The following PLCG2 variants were observed in gnomAD, a reference collection of about 807,000 sequenced individuals.
PLCG2 encodes 1-phosphatidylinositol 4,5-bisphosphate phosphodiesterase gamma-2.
In PLCG2, 69 loss-of-function variants were observed where a neutral mutation model predicts 175.6. The observed-to-expected ratio is 0.39, with a 90% CI of 0.32 to 0.48. The LOEUF (loss-of-function observed/expected upper bound fraction) is 0.48. Ranked by LOEUF, PLCG2 falls within the 20% of genes least tolerant of loss-of-function variation. The probability of loss-of-function intolerance (pLI) is 0.91; values close to 1 mark genes in which losing one functional copy is unlikely to be tolerated. For missense variants in PLCG2, 1,798 were observed against 1,650.9 expected (o/e 1.09, Z -1.54); for synonymous variants, 827 against 624.0 (o/e 1.33, Z -4.85).
intron 5 of PLCG2, among the ~76,000 whole-genome samples, chr16:81,867,006 G>T (rs1012848925): frequency 5.9e-5 from 9 of 152,242 alleles, no homozygotes; most frequent in Admixed American, 5.2e-4. Flanking sequence ...CTGCCCTCAA[G>T]GTCTGTCTGT....
chr16:81,795,562 C>T (rs1177049678), intron 2 of PLCG2, among the ~76,000 whole-genome samples: 1 of 152,202 alleles, frequency 6.6e-6, no homozygotes, highest in Non-Finnish European at 1.5e-5. Flanking sequence ...CTATCATCTC[C>T]AAAGGTGTTG....
intron 1 of PLCG2, among the ~76,000 whole-genome samples, chr16:81,742,159 G>T (rs79129484): frequency 2.4e-5 from 3 of 127,248 alleles, no homozygotes; most frequent in Non-Finnish European, 3.5e-5. Flanking sequence ...GGGGGCGGGG[G>T]GGGGGGCGGT....
intron 5 of PLCG2, among the ~76,000 whole-genome samples, chr16:81,860,162 TATTATTATTA>T (rs1322069615): frequency 6.0e-5 from 6 of 99,792 alleles, no homozygotes; most frequent in Non-Finnish European, 1.2e-4. Context: ...TTATTATTAT[TATTATTATTA>T]TTTTTTTTTT....
intron 2 of PLCG2, among the ~76,000 whole-genome samples, chr16:81,844,707 A>C (rs866568189): frequency 1.3e-5 from 2 of 152,246 alleles, no homozygotes; most frequent in African/African-American, 4.8e-5. Flanking sequence ...TTTTGCATAA[A>C]AAAAGAGTTA....
At chr16:81,782,668 C>T (rs1352622273) in intron 1 of PLCG2, among the ~76,000 whole-genome samples, 1 of 152,202 alleles carries the variant, frequency 6.6e-6, no homozygotes, top group Non-Finnish European at 1.5e-5. Context: ...GATACAAGAA[C>T]CCCAAACCAG....
At chr16:81,926,801 C>T (rs1239026147) in intron 22 of PLCG2, among the ~76,000 whole-genome samples, 11 of 152,210 alleles carry the variant, frequency 7.2e-5, no homozygotes, top group African/African-American at 2.4e-4. Flanking sequence ...TCTCTGACTT[C>T]CACGTAAAGC....
At chr16:81,892,369 G>A (rs1039050383) in intron 11 of PLCG2, among the ~76,000 whole-genome samples, 2 of 152,216 alleles carry the variant, frequency 1.3e-5, no homozygotes, top group Non-Finnish European at 1.5e-5. Flanking sequence ...ATGTTGCGCT[G>A]ATGTTCCAGT....
At chr16:81,835,854 C>A (rs1439414821) in intron 2 of PLCG2, among the ~76,000 whole-genome samples, 1 of 152,068 alleles carries the variant, frequency 6.6e-6, no homozygotes, top group Non-Finnish European at 1.5e-5. Flanking sequence ...CCCTGGGTGT[C>A]CCTTGGCTGG....
chr16:81,845,943 A>T (rs1384698613), intron 2 of PLCG2, among the ~76,000 whole-genome samples: 1 of 152,204 alleles, frequency 6.6e-6, no homozygotes, highest in Non-Finnish European at 1.5e-5. Flanking sequence ...TGGCCAAGGT[A>T]CTTCACTTCT....
chr16:81,787,393 A>ATTTTTTTTTTTTTTTTTTTT lies in PLCG2; in HGVS notation c.193+1229_193+1230insTTTTTTTTTTTTTTTTTTTT, dbSNP rs67160306. ...TGCACCGCCATGCCTGGATAATTTAATTTTTTTTTTTTTTTTTTGTAGAGA... is the reference window on the plus strand; with the variant it reads ...TGCACCGCCATGCCTGGATAATTTAATTTTTTTTTTTTTTTTTTTTTTTTTTTTTTTTTTTTTTGTAGAGA... On this transcript the variant is annotated intron_variant, in intron 2 of 32. Coordinates refer to ENST00000564138, the MANE Select transcript of PLCG2 (RefSeq NM_002661.5). Among the ~76,000 whole-genome samples the ATTTTTTTTTTTTTTTTTTTT allele has an allele frequency of 1.6e-4, 15 of 94,552 alleles. 1 individual carries two copies. Among genetic ancestry groups the ATTTTTTTTTTTTTTTTTTTT allele is most frequent in the Non-Finnish European group, 2.9e-4 (15 of 51,128 alleles). The allele number at this position is 94,552 out of a possible 152,430, so 62.0% of individuals were successfully genotyped here.
rs188156294 is a variant in PLCG2 at position 81,961,146 on chromosome 16, G to C, written c.*3148G>C. ...TGGGAGGAACAGCCTGTAGATTTCT[G>C]AGTCTCTTAGCATGTAACTACAAAG... is the stretch of plus-strand genomic sequence containing the variant. On this transcript the variant is annotated 3_prime_UTR_variant, in exon 33 of 33. Transcript: ENST00000564138. 4.3e-6 allele frequency: 1 copy of C among 230,634 alleles called. No homozygotes were observed. The highest frequency in any genetic ancestry group is 5.7e-5 in the Admixed American group (1 of 17,696). The allele number at this position is 230,634 out of a possible 1,614,324, so 14.3% of individuals were successfully genotyped here. A position where few individuals can be genotyped will look rare whatever the true frequency, so the allele number is the denominator to read the frequency against.
At chr16:81,795,146 T>C (rs373154332) in intron 2 of PLCG2, among the ~76,000 whole-genome samples, 3 of 152,188 alleles carry the variant, frequency 2.0e-5, no homozygotes, top group African/African-American at 4.8e-5. Flanking sequence ...ACCCTGAAGA[T>C]CTCTAGAGGA....
chr16:81,757,213 C>T (rs12933619), intron 2 of PLCG2, among the ~76,000 whole-genome samples: 1 of 151,648 alleles, frequency 6.6e-6, no homozygotes, highest in Non-Finnish European at 1.5e-5. Flanking sequence ...TCAATCATCT[C>T]TTTATCCAAT....
intron 2 of PLCG2, among the ~76,000 whole-genome samples, chr16:81,821,220 T>G (rs1207998352): frequency 1.3e-5 from 2 of 152,208 alleles, no homozygotes; most frequent in African/African-American, 4.8e-5. Flanking sequence ...ATCAGATTGT[T>G]GTGGGGATTC....
At chr16:81,936,411 C>T in intron 27 of PLCG2, 33 bp downstream of exon 27, 4 of 1,583,512 alleles carry the variant, frequency 2.5e-6, no homozygotes, top group Non-Finnish European at 2.6e-6. Flanking sequence ...CCCGTCCCTG[C>T]AAGGTGGCGG....
chr16:81,835,073 C>A (rs1905444403), intron 2 of PLCG2, among the ~76,000 whole-genome samples: 1 of 151,914 alleles, frequency 6.6e-6, no homozygotes, highest in Non-Finnish European at 1.5e-5. Context: ...GAGGAAGTGG[C>A]CTTCCAGGTG....
At chr16:81,934,047 G>GC (rs1343164010) in intron 25 of PLCG2, among the ~76,000 whole-genome samples, 4 of 152,170 alleles carry the variant, frequency 2.6e-5, no homozygotes, top group African/African-American at 9.7e-5. Context: ...GGTCCACAGA[G>GC]CCCCCGAGGA....
intron 31 of PLCG2, among the ~76,000 whole-genome samples, chr16:81,950,726 GATA>G (rs760283357): frequency 2.0e-5 from 3 of 152,272 alleles, no homozygotes; most frequent in South Asian, 2.1e-4. Context: ...ACAATTTGAA[GATA>G]ATAATTTTCT....
chr16:81,897,015 G>T (rs1050238362), intron 13 of PLCG2, among the ~76,000 whole-genome samples: 5 of 152,202 alleles, frequency 3.3e-5, no homozygotes, highest in African/African-American at 1.2e-4. Context: ...CAGGCTTTAT[G>T]GGCCCTGTGG....
Sources: allele counts gnomAD v4.1 joint callset (sites outside exome capture counted in the v4.1 genomes callset), GRCh38; gene constraint gnomAD v4.1.1; transcripts MANE v1.5; gene names NCBI Gene and HGNC (gene_info 2026-07-23, HGNC 2026-07-21).